The following NRG3 variants were observed in gnomAD, a reference collection of about 807,000 sequenced individuals.
NRG3 encodes pro-neuregulin-3, membrane-bound isoform.
A neutral mutation model predicts 66.9 loss-of-function variants in NRG3; 31 were observed. The ratio of observed to expected loss-of-function variants is 0.46; its 90% CI spans 0.35 to 0.63. The LOEUF is 0.63. NRG3 is among the 20% of genes least tolerant of loss of function. The probability of loss-of-function intolerance (pLI) is 0.00; values close to 1 mark genes in which losing one functional copy is unlikely to be tolerated. For missense variants in NRG3, 910 were observed against 878.9 expected (o/e 1.04, Z -0.45); for synonymous variants, 393 against 359.4 (o/e 1.09, Z -1.06).
chr10:82,366,725 T>G (rs986156165), intron 2 of NRG3, among the ~76,000 whole-genome samples: 10 of 152,110 alleles, frequency 6.6e-5, no homozygotes, highest in Admixed American at 1.3e-4. Context: ...CATGTGAAAA[T>G]GTACACACTG....
At chr10:82,196,323 AAGG>A (rs1421397532) in intron 1 of NRG3, among the ~76,000 whole-genome samples, 1 of 152,166 alleles carries the variant, frequency 6.6e-6, no homozygotes, top group Non-Finnish European at 1.5e-5. Context: ...TCTACATTAG[AAGG>A]AGATGTAAGT....
intron 2 of NRG3, among the ~76,000 whole-genome samples, chr10:82,394,439 C>T (rs935802004): frequency 4.6e-5 from 7 of 152,040 alleles, no homozygotes; most frequent in Admixed American, 4.6e-4. Context: ...GGCCTGATTC[C>T]CATTTAGAGG....
chr10:82,481,416 C>T (rs1284815133), intron 2 of NRG3, among the ~76,000 whole-genome samples: 1 of 152,152 alleles, frequency 6.6e-6, no homozygotes, highest in African/African-American at 2.4e-5. Flanking sequence ...CACTTCCTTC[C>T]TGTGTGATCT....
At chr10:82,353,185 T>C (rs976075574) in intron 1 of NRG3, among the ~76,000 whole-genome samples, 1 of 152,104 alleles carries the variant, frequency 6.6e-6, no homozygotes, top group Non-Finnish European at 1.5e-5. Flanking sequence ...AAGAATTCCA[T>C]TTTCTATAAG....
intron 2 of NRG3, among the ~76,000 whole-genome samples, chr10:82,709,626 G>T (rs577190713): frequency 1.2e-4 from 19 of 152,066 alleles, no homozygotes; most frequent in South Asian, 6.2e-4. Flanking sequence ...TGATCCCCCC[G>T]CCTCGGCCTC....
At chr10:82,198,203 C>T (rs1238702736) in intron 1 of NRG3, among the ~76,000 whole-genome samples, 1 of 152,142 alleles carries the variant, frequency 6.6e-6, no homozygotes, top group Non-Finnish European at 1.5e-5. Context: ...CACAGCCTGT[C>T]TGGTTTCTTT....
At position 82,007,214 on chromosome 10, in the gene NRG3, T is replaced by TC. The variant is rs1470196556; in HGVS notation, c.823+131051_823+131052insC. 2.7e-5 allele frequency among the ~76,000 whole-genome samples: 4 copies of TC among 148,108 alleles called. No individual in the cohort carries two copies. The East Asian group carries it at 7.8e-4, about 29-fold the overall frequency. ...ATCAAATTTTCTTTTTTCTTTTCTT[T>TC]TTTTTTTTTTTTTGAGACAGAGTCT... On this transcript the variant is annotated intron_variant, in intron 1 of 8. Transcript: ENST00000372141.
Position 82,012,449 on chromosome 10 carries a change from T to C in NRG3, c.823+136286T>C, listed in dbSNP as rs1185455124. 2.0e-5 allele frequency among the ~76,000 whole-genome samples: 3 copies of C among 152,196 alleles called. No individual in the cohort carries two copies. In the East Asian group the frequency reaches 5.8e-4, roughly 29 times the overall value. On this transcript the variant is annotated intron_variant, in intron 1 of 8. Transcript: ENST00000372141. ...GACATTTTACCCATTGTCTTGACAA[T>C]TAACATTTGGCTCCTCATTATTTAT...
At chr10:82,665,421 C>T (rs1259649511) in intron 2 of NRG3, among the ~76,000 whole-genome samples, 4 of 152,164 alleles carry the variant, frequency 2.6e-5, no homozygotes, top group Non-Finnish European at 4.4e-5. Flanking sequence ...TTGACGGTCT[C>T]ATCTCCAGTA....
At chr10:82,461,884 A>G (rs2091532416) in intron 2 of NRG3, among the ~76,000 whole-genome samples, 1 of 152,168 alleles carries the variant, frequency 6.6e-6, no homozygotes, top group Non-Finnish European at 1.5e-5. Flanking sequence ...TAATCCCAGC[A>G]TTTTGGGAGG....
chr10:82,120,775 T>C (rs1447817751), intron 1 of NRG3, among the ~76,000 whole-genome samples: 3 of 152,084 alleles, frequency 2.0e-5, no homozygotes, highest in African/African-American at 7.2e-5. Flanking sequence ...TGGACTAATA[T>C]TGAATTCCAT....
At chr10:82,799,961 C>T (rs974296599) in intron 3 of NRG3, 6 of 152,150 alleles carry the variant, frequency 3.9e-5, no homozygotes, top group African/African-American at 1.4e-4. Context: ...GGTCCACTGT[C>T]CAAGAATAGA....
At chr10:82,208,648 GA>G (rs572262770) in intron 1 of NRG3, among the ~76,000 whole-genome samples, 40 of 151,000 alleles carry the variant, frequency 2.6e-4, no homozygotes, top group African/African-American at 9.5e-4. Flanking sequence ...AAACACGTAT[GA>G]GGGGAAAAAA....
intron 2 of NRG3, among the ~76,000 whole-genome samples, chr10:82,661,778 G>A (rs1266087617): frequency 2.0e-5 from 3 of 152,204 alleles, no homozygotes; most frequent in Non-Finnish European, 4.4e-5. Context: ...TGCTGAGGTT[G>A]GGTTGCTATC....
At chr10:82,939,037 T>C (rs1285356380) in intron 4 of NRG3, among the ~76,000 whole-genome samples, 1 of 152,194 alleles carries the variant, frequency 6.6e-6, no homozygotes, top group African/African-American at 2.4e-5. Context: ...TTGATGCAGG[T>C]TGCTTTTTAC....
chr10:82,269,416 A>G (rs942126744), intron 1 of NRG3, among the ~76,000 whole-genome samples: 2 of 152,048 alleles, frequency 1.3e-5, no homozygotes, highest in Admixed American at 6.6e-5. Context: ...CTCTTCTTCT[A>G]AGATTTCAGC....
chr10:81,946,813 T>C (rs1848888379), intron 1 of NRG3, among the ~76,000 whole-genome samples: 2 of 152,204 alleles, frequency 1.3e-5, no homozygotes. Flanking sequence ...TTTTGAGTTA[T>C]GCTTGGAAAA....
At chr10:82,266,529 T>C (rs12218527) in intron 1 of NRG3, among the ~76,000 whole-genome samples, 21,577 of 152,120 alleles carry the variant, frequency 0.14, 1,658 homozygotes, top group East Asian at 0.24. Flanking sequence ...GAGGTATTGC[T>C]CTCCTATCCT....
At chr10:82,374,533 A>G (rs2085086512) in intron 2 of NRG3, among the ~76,000 whole-genome samples, 1 of 152,234 alleles carries the variant, frequency 6.6e-6, no homozygotes, top group South Asian at 2.1e-4. Flanking sequence ...GTTGAGACCA[A>G]TTTGGGAAAC....
Sources: allele counts gnomAD v4.1 joint callset (sites outside exome capture counted in the v4.1 genomes callset), GRCh38; gene constraint gnomAD v4.1.1; transcripts MANE v1.5; gene names NCBI Gene and HGNC (gene_info 2026-07-23, HGNC 2026-07-21).